LIPC: variants seen among roughly 807,000 people sequenced by gnomAD.
The protein encoded by LIPC is hepatic triacylglycerol lipase.
A neutral mutation model predicts 50.7 loss-of-function variants in LIPC; 44 were observed. The ratio of observed to expected loss-of-function variants is 0.87; its 90% CI spans 0.68 to 1.11. The LOEUF (loss-of-function observed/expected upper bound fraction) is 1.11. Ranked by LOEUF, LIPC falls within the 50% of genes most tolerant of loss-of-function variation. The probability of loss-of-function intolerance (pLI) is 0.00; values close to 1 mark genes in which losing one functional copy is unlikely to be tolerated. For missense variants in LIPC, 697 were observed against 648.2 expected (o/e 1.08, Z -0.82); for synonymous variants, 271 against 256.4 (o/e 1.06, Z -0.54).
intron 6 of LIPC, among the ~76,000 whole-genome samples, chr15:58,552,209 T>G (rs1348840099): frequency 1.3e-5 from 2 of 152,202 alleles, no homozygotes; most frequent in Non-Finnish European, 2.9e-5. Context: ...GCCCGGGCAC[T>G]GGGCTGGATG....
chr15:58,490,823 G>A (rs4775059), intron 1 of LIPC, among the ~76,000 whole-genome samples: 149,870 of 152,220 alleles, frequency 0.98, 73,831 homozygotes, highest in Middle Eastern at 1. Flanking sequence ...ACCACTGCCA[G>A]CCAGTTATTA....
chr15:58,565,935 A>T, intron 8 of LIPC: 1 of 966,038 alleles, frequency 1.0e-6, no homozygotes, highest in Non-Finnish European at 1.2e-6. Flanking sequence ...AAAAAATCTG[A>T]GTTGTGGCTC....
At chr15:58,473,382 T>G (rs111671952) in intron 1 of LIPC, among the ~76,000 whole-genome samples, 11 of 152,222 alleles carry the variant, frequency 7.2e-5, no homozygotes, top group African/African-American at 2.6e-4. Flanking sequence ...AAAGCAAAAC[T>G]GTAAGACTCA....
At chr15:58,468,693 G>T (rs1440688729) in intron 1 of LIPC, among the ~76,000 whole-genome samples, 3 of 151,936 alleles carry the variant, frequency 2.0e-5, no homozygotes, top group African/African-American at 7.3e-5. Flanking sequence ...AATCATCTAG[G>T]GAACTTATAA....
At chr15:58,467,863 G>A (rs903116729) in intron 1 of LIPC, among the ~76,000 whole-genome samples, 1 of 152,176 alleles carries the variant, frequency 6.6e-6, no homozygotes, top group Admixed American at 6.5e-5. Context: ...TGTTCACAGG[G>A]TTTTCCCACT....
chr15:58,454,940 A>G (rs1894053557), intron 1 of LIPC: 1 of 152,266 alleles, frequency 6.6e-6, no homozygotes, highest in African/African-American at 2.4e-5. Context: ...AAATGTTTAA[A>G]ATGACAGTAA....
At chr15:58,518,944 A>G (rs1892566562) in intron 1 of LIPC, among the ~76,000 whole-genome samples, 1 of 152,124 alleles carries the variant, frequency 6.6e-6, no homozygotes, top group African/African-American at 2.4e-5. Flanking sequence ...GTCACCTAAA[A>G]AAAAAAAGAA....
intron 6 of LIPC, among the ~76,000 whole-genome samples, chr15:58,555,046 C>T (rs1893887188): frequency 6.6e-6 from 1 of 152,158 alleles, no homozygotes; most frequent in Admixed American, 6.5e-5. Flanking sequence ...AGAGATGCTA[C>T]TCTAGGGACA....
intron 2 of LIPC, among the ~76,000 whole-genome samples, chr15:58,540,878 G>A (rs1893295829): frequency 6.6e-6 from 1 of 152,076 alleles, no homozygotes; most frequent in East Asian, 1.9e-4. Context: ...TCAGCTCACT[G>A]CAGACTCGAC....
At chr15:58,536,521 T>C (rs1045517386) in intron 1 of LIPC, among the ~76,000 whole-genome samples, 1 of 152,114 alleles carries the variant, frequency 6.6e-6, no homozygotes, top group African/African-American at 2.4e-5. Flanking sequence ...CACAGGATTC[T>C]AGGGATATTT....
At chr15:58,502,736 A>G (rs929200212) in intron 1 of LIPC, among the ~76,000 whole-genome samples, 3 of 152,116 alleles carry the variant, frequency 2.0e-5, no homozygotes, top group Non-Finnish European at 4.4e-5. Flanking sequence ...TAAGGCTTCC[A>G]ATGCTGAAGA....
chr15:58,488,414 A>G (rs1249995779), intron 1 of LIPC, among the ~76,000 whole-genome samples: 1 of 152,242 alleles, frequency 6.6e-6, no homozygotes, highest in Admixed American at 6.5e-5. Context: ...ACAGCTATGT[A>G]TCAATCCCTG....
chr15:58,475,994 T>C (rs1013785738), intron 1 of LIPC, among the ~76,000 whole-genome samples: 2 of 152,196 alleles, frequency 1.3e-5, no homozygotes, highest in African/African-American at 4.8e-5. Flanking sequence ...GCAAGAAAAG[T>C]GACAGATCAT....
chr15:58,552,440 G>T (rs1286876479), intron 6 of LIPC, among the ~76,000 whole-genome samples: 1 of 152,174 alleles, frequency 6.6e-6, no homozygotes, highest in African/African-American at 2.4e-5. Context: ...CATTCCAGCT[G>T]CATGTCCCGC....
At chr15:58,489,841 G>A (rs542285680) in intron 1 of LIPC, among the ~76,000 whole-genome samples, 34 of 152,210 alleles carry the variant, frequency 2.2e-4, no homozygotes, top group African/African-American at 7.0e-4. Context: ...TTGCTGTAAG[G>A]TTCAACTATA....
intron 1 of LIPC, among the ~76,000 whole-genome samples, chr15:58,456,520 T>G (rs1221138054): frequency 6.6e-6 from 1 of 152,212 alleles, no homozygotes; most frequent in Non-Finnish European, 1.5e-5. Flanking sequence ...TCTCCCCTGA[T>G]GCAGCCCAGA....
At chr15:58,491,233 G>T (rs1449872402) in intron 1 of LIPC, among the ~76,000 whole-genome samples, 1 of 152,124 alleles carries the variant, frequency 6.6e-6, no homozygotes, top group Non-Finnish European at 1.5e-5. Flanking sequence ...GACAGCACCT[G>T]CCAAACACAA....
intron 2 of LIPC, among the ~76,000 whole-genome samples, chr15:58,541,374 A>G (rs780388954): frequency 6.6e-6 from 1 of 151,932 alleles, no homozygotes; most frequent in Non-Finnish European, 1.5e-5. Context: ...GAGGCGTACA[A>G]ATGGCCCTAA....
chr15:58,509,958 T>A lies in LIPC; in HGVS notation c.89-28375T>A, dbSNP rs570288831. On this transcript the variant is annotated intron_variant, in intron 1 of 8. Coordinates refer to ENST00000299022, the MANE Select transcript of LIPC (RefSeq NM_000236.3). ...TTGTACCATTGGATCTATTGAATCATTAAAAAAAAAAAGAGTTTAGAAAAA... is the reference window on the plus strand; with the variant it reads ...TTGTACCATTGGATCTATTGAATCAATAAAAAAAAAAAGAGTTTAGAAAAA... 2.8e-3 allele frequency among the ~76,000 whole-genome samples: 159 copies of A among 56,848 alleles called. 1 individual carries two copies. Among genetic ancestry groups the A allele is most frequent in the African/African-American group, 0.017 (153 of 9,272 alleles). The allele number at this position is 56,848 out of a possible 152,430, so 37.3% of individuals were successfully genotyped here. A position where few individuals can be genotyped will look rare whatever the true frequency, so the allele number is the denominator to read the frequency against.
Sources: gnomAD v4.1 joint callset for allele counts (sites outside exome capture counted in the v4.1 genomes callset) on GRCh38, gnomAD v4.1.1 for gene constraint, MANE v1.5 for transcripts, NCBI Gene and HGNC (gene_info 2026-07-23, HGNC 2026-07-21) for gene names.